CDH12: variants seen among roughly 807,000 people sequenced by gnomAD.
CDH12 encodes cadherin-12.
CDH12 carries 41 observed loss-of-function variants against 74.1 expected under a neutral mutation model. That is an observed-to-expected ratio of 0.55 (90% CI 0.43 to 0.72). CDH12 has a LOEUF of 0.72. Among genes scored for constraint, CDH12 ranks in the 30% least tolerant of loss-of-function variants. The pLI is 0.00. For synonymous variants in CDH12, 399 were observed against 355.0 expected, an observed-to-expected ratio of 1.12 and a Z score of -1.39; for missense variants, 945 against 977.2, an observed-to-expected ratio of 0.97 and a Z score of 0.44.
At chr5:22,679,988 T>C (rs945446008) in intron 1 of CDH12, among the ~76,000 whole-genome samples, 5 of 152,120 alleles carry the variant, frequency 3.3e-5, no homozygotes, top group Non-Finnish European at 7.4e-5. Context: ...ACAAGAACAC[T>C]GAACTAGCAA....
intron 3 of CDH12, among the ~76,000 whole-genome samples, chr5:22,314,022 T>G (rs1272664574): frequency 6.6e-6 from 1 of 152,198 alleles, no homozygotes; most frequent in Non-Finnish European, 1.5e-5. Flanking sequence ...GGGCTAGGGT[T>G]GACGGCAGAA....
At chr5:22,028,002 C>T (rs1404678870) in intron 5 of CDH12, among the ~76,000 whole-genome samples, 2 of 152,034 alleles carry the variant, frequency 1.3e-5, no homozygotes. Context: ...CCCAGAGATT[C>T]TGGTATGTTG....
chr5:22,425,172 A>ATAAAT lies in CDH12; in HGVS notation c.-427-19822_-427-19821insATTTA, dbSNP rs1554039892. Among the ~76,000 whole-genome samples, 15 of 83,450 alleles carry ATAAAT rather than the reference A, an allele frequency of 1.8e-4. No homozygotes were observed. The East Asian group carries it at 1.9e-3, about 10-fold the overall frequency. 54.7% of individuals were successfully genotyped at this position (83,450 alleles called of 152,430 possible). ...GTGTGTGTATATATATATATATATAAATATATATATATATATACTTCTTTC... is the reference window on the plus strand; with the variant it reads ...GTGTGTGTATATATATATATATATAATAAATATATATATATATATATACTTCTTTC... On this transcript the variant is annotated intron_variant, in intron 2 of 14. Transcript: ENST00000382254.
intron 4 of CDH12, among the ~76,000 whole-genome samples, chr5:22,181,132 T>G (rs1431989365): frequency 3.3e-5 from 5 of 152,208 alleles, no homozygotes; most frequent in Admixed American, 1.3e-4. Context: ...TCTGAATCTC[T>G]GTTCATTTCT....
At chr5:22,013,742 G>C (rs1737432309) in intron 5 of CDH12, among the ~76,000 whole-genome samples, 1 of 152,054 alleles carries the variant, frequency 6.6e-6, no homozygotes, top group Non-Finnish European at 1.5e-5. Flanking sequence ...AAGCCTTAAA[G>C]GTATCTGATT....
chr5:22,703,035 C>A (rs1207560051), intron 1 of CDH12, among the ~76,000 whole-genome samples: 1 of 152,126 alleles, frequency 6.6e-6, no homozygotes, highest in Admixed American at 6.6e-5. Flanking sequence ...TGTTTCATTA[C>A]CCTGCTCATA....
intron 5 of CDH12, among the ~76,000 whole-genome samples, chr5:22,031,205 G>A (rs1738795661): frequency 6.6e-6 from 1 of 151,956 alleles, no homozygotes. Flanking sequence ...GTGGTGGTAG[G>A]TGCCTGTAAT....
chr5:22,009,703 C>T (rs1057125592), intron 5 of CDH12, among the ~76,000 whole-genome samples: 8 of 151,724 alleles, frequency 5.3e-5, no homozygotes, highest in South Asian at 2.1e-4. Context: ...GTTGGCCCGG[C>T]GCGGTGACTC....
chr5:22,338,113 G>A (rs553792100), intron 3 of CDH12, among the ~76,000 whole-genome samples: 1 of 152,328 alleles, frequency 6.6e-6, no homozygotes, highest in South Asian at 2.1e-4. Flanking sequence ...AGAGATATCT[G>A]TAGTCCCATG....
chr5:22,014,746 C>T (rs1448106400), intron 5 of CDH12, among the ~76,000 whole-genome samples: 2 of 152,136 alleles, frequency 1.3e-5, no homozygotes, highest in African/African-American at 4.8e-5. Flanking sequence ...CACAATTTAT[C>T]TGGCCTATCT....
chr5:22,242,994 T>C (rs549948483), intron 3 of CDH12, among the ~76,000 whole-genome samples: 1 of 152,298 alleles, frequency 6.6e-6, no homozygotes, highest in South Asian at 2.1e-4. Flanking sequence ...TAATCCTCTA[T>C]ATTACATGAC....
chr5:22,181,469 G>T (rs1749642748), intron 4 of CDH12, among the ~76,000 whole-genome samples: 1 of 151,870 alleles, frequency 6.6e-6, no homozygotes, highest in Non-Finnish European at 1.5e-5. Flanking sequence ...TTTTTTCTTA[G>T]AGATCTATAT....
At chr5:22,417,606 G>A (rs576157990) in intron 2 of CDH12, among the ~76,000 whole-genome samples, 5 of 152,214 alleles carry the variant, frequency 3.3e-5, no homozygotes, top group African/African-American at 1.2e-4. Context: ...CAAGTATTTT[G>A]TTATAGTGGC....
At chr5:21,943,338 A>G in intron 6 of CDH12, among the ~76,000 whole-genome samples, 1 of 152,352 alleles carries the variant, frequency 6.6e-6, no homozygotes, top group South Asian at 2.1e-4. Flanking sequence ...ATTTTTACTT[A>G]CATTTATATA....
chr5:22,133,747 G>A (rs938884762), intron 4 of CDH12, among the ~76,000 whole-genome samples: 4 of 152,126 alleles, frequency 2.6e-5, no homozygotes, highest in African/African-American at 9.6e-5. Context: ...ACATAATTAC[G>A]TGTACATATA....
chr5:22,688,035 C>T (rs1457588264), intron 1 of CDH12, among the ~76,000 whole-genome samples: 3 of 151,870 alleles, frequency 2.0e-5, no homozygotes, highest in Non-Finnish European at 4.4e-5. Context: ...TAGAAAGCAC[C>T]GAGAATTTAT....
intron 11 of CDH12, among the ~76,000 whole-genome samples, chr5:21,781,903 G>T (rs1443339365): frequency 6.6e-6 from 1 of 152,170 alleles, no homozygotes; most frequent in Admixed American, 6.5e-5. Flanking sequence ...CTGTTCCCAT[G>T]TATCAGCAGA....
intron 14 of CDH12, among the ~76,000 whole-genome samples, chr5:21,754,555 A>C (rs1031762317): frequency 6.6e-6 from 1 of 152,318 alleles, no homozygotes; most frequent in East Asian, 1.9e-4. Flanking sequence ...ACACCATGCC[A>C]ATTGGACTAG....
intron 3 of CDH12, among the ~76,000 whole-genome samples, chr5:22,349,900 T>G (rs1032655439): frequency 2.6e-5 from 4 of 152,128 alleles, no homozygotes; most frequent in African/African-American, 9.7e-5. Flanking sequence ...TTTAAAAAAT[T>G]TGTCAACCAG....
Sources: allele counts gnomAD v4.1 joint callset (sites outside exome capture counted in the v4.1 genomes callset), GRCh38; gene constraint gnomAD v4.1.1; transcripts MANE v1.5; gene names NCBI Gene and HGNC (gene_info 2026-07-23, HGNC 2026-07-21).